The following FBLN5 variants were observed in gnomAD, a reference collection of about 807,000 sequenced individuals.
FBLN5 encodes fibulin 5, also known as fibulin-5.
Under a neutral mutation model 61.6 loss-of-function variants are expected in FBLN5, and 24 were observed. The observed-to-expected ratio is 0.39, with a 90% CI of 0.28 to 0.55. The LOEUF (loss-of-function observed/expected upper bound fraction) is 0.55, where lower values mean the gene tolerates loss of function less well. Ranked by LOEUF, FBLN5 falls within the 20% of genes least tolerant of loss-of-function variation. The probability of loss-of-function intolerance (pLI) is 0.65; values close to 1 mark genes in which losing one functional copy is unlikely to be tolerated. For missense variants in FBLN5, 470 were observed against 594.1 expected (o/e 0.79, Z 2.17); for synonymous variants, 213 against 219.8 (o/e 0.97, Z 0.27).
At chr14:91,871,131 C>T (rs1888904576) in intron 10 of FBLN5, among the ~76,000 whole-genome samples, 2 of 149,732 alleles carry the variant, frequency 1.3e-5, no homozygotes, top group African/African-American at 4.9e-5. Context: ...ATACAACCAA[C>T]ATGCACATGT....
intron 4 of FBLN5, among the ~76,000 whole-genome samples, chr14:91,909,239 A>G (rs1360166180): frequency 6.6e-6 from 1 of 152,068 alleles, no homozygotes; most frequent in Non-Finnish European, 1.5e-5. Flanking sequence ...TTTTACCAAC[A>G]TCAAGCTGAT....
At chr14:91,895,144 G>A in intron 4 of FBLN5, 72 bp from the exon 5 acceptor site, 2 of 1,594,328 alleles carry the variant, frequency 1.3e-6, no homozygotes, top group East Asian at 2.2e-5. Flanking sequence ...AGGGGTGCCA[G>A]TGGCTCATCT....
intron 4 of FBLN5, among the ~76,000 whole-genome samples, chr14:91,924,511 A>G (rs2055792814): frequency 8.2e-6 from 1 of 121,694 alleles, no homozygotes; most frequent in Non-Finnish European, 1.7e-5. Flanking sequence ...AACGTGGTGA[A>G]ACCCCGTCTC....
chr14:91,891,264 G>A lies in FBLN5; in HGVS notation c.576C>T (p.Cys192=). ...CCTCATTGAGGGTAAAACCAGGGTTGCATGTACAAGAATAGGATCCAGGAA... is the reference window on the plus strand; with the variant it reads ...CCTCATTGAGGGTAAAACCAGGGTTACATGTACAAGAATAGGATCCAGGAA... ...ANVPGSYSCT[C]NPGFTLNEDG... The change falls in exon 6 of 11, where the codon TGC becomes TGT. Residue 192 remains cysteine, a synonymous_variant. Transcript: ENST00000342058. The A allele has an allele frequency of 6.2e-7, 1 of 1,613,588 alleles. No individual in the cohort carries two copies. The highest frequency in any genetic ancestry group is 8.5e-7 in the Non-Finnish European group (1 of 1,179,482).
At chr14:91,881,905 C>T (rs1417430423) in intron 8 of FBLN5, among the ~76,000 whole-genome samples, 1 of 151,732 alleles carries the variant, frequency 6.6e-6, no homozygotes, top group African/African-American at 2.4e-5. Flanking sequence ...GTAGTAAAAA[C>T]AGGAGTTCAA....
At chr14:91,887,372 G>A (rs1889776013) in intron 6 of FBLN5, 60 bp from the exon 7 acceptor site, 3 of 1,582,434 alleles carry the variant, frequency 1.9e-6, no homozygotes, top group Admixed American at 3.3e-5. Context: ...ACAATAACTA[G>A]GCAGAAAAAG....
At chr14:91,896,079 A>G (rs1890213410) in intron 4 of FBLN5, among the ~76,000 whole-genome samples, 1 of 152,124 alleles carries the variant, frequency 6.6e-6, no homozygotes, top group South Asian at 2.1e-4. Context: ...AGCCATATTC[A>G]TGGTCATTCC....
chr14:91,875,433 C>A (rs1889121135), intron 10 of FBLN5, among the ~76,000 whole-genome samples: 1 of 152,088 alleles, frequency 6.6e-6, no homozygotes, highest in Non-Finnish European at 1.5e-5. Context: ...GAGACATAGC[C>A]CCAGAATTAG....
At chr14:91,923,744 C>T (rs980958794) in intron 4 of FBLN5, among the ~76,000 whole-genome samples, 1 of 152,208 alleles carries the variant, frequency 6.6e-6, no homozygotes, top group African/African-American at 2.4e-5. Flanking sequence ...CCCCCACTCA[C>T]ACCCACTCAG....
intron 4 of FBLN5, among the ~76,000 whole-genome samples, chr14:91,899,339 C>G (rs1379235284): frequency 1.3e-5 from 2 of 152,242 alleles, no homozygotes; most frequent in Non-Finnish European, 2.9e-5. Flanking sequence ...GCAACCATAG[C>G]TTGGCTCCCC....
Position 91,882,969 on chromosome 14 carries a change from T to G in FBLN5, c.847A>C (p.Asn283His). 1 of 1,614,052 alleles carries G rather than the reference T, an allele frequency of 6.2e-7. No homozygotes were observed. Among genetic ancestry groups the G allele is most frequent in the Non-Finnish European group, 8.5e-7 (1 of 1,179,922 alleles). Residue 283 changes from asparagine to histidine, a missense_variant, in exon 8 of 11, where the codon AAC becomes CAC. Physicochemically the swap from Asn to His is moderately conservative, Grantham distance 68. Coordinates refer to ENST00000342058, the MANE Select transcript of FBLN5 (RefSeq NM_006329.4). This position sits in a 1 kb window ranked among gnomAD's most constrained non-coding sequence, Gnocchi z 4.9. ...ACAGCCTTACCTTGGCAGCTTCGGT[T>G]GTCATCCAGCAGGATGTAGCCTGGA... ...CPPGYILLDD[N>H]RSCQDINECE... is the part of the protein sequence containing the mutation.
intron 9 of FBLN5, among the ~76,000 whole-genome samples, chr14:91,879,577 G>A (rs1889324279): frequency 6.6e-6 from 1 of 152,222 alleles, no homozygotes; most frequent in African/African-American, 2.4e-5. Context: ...AGACGGGGTG[G>A]CCTGGAAAAA....
chr14:91,891,228 A>G lies in FBLN5; in HGVS notation c.612T>C (p.Ser204=). 3 of 1,596,798 alleles carry G rather than the reference A, an allele frequency of 1.9e-6. No homozygotes were observed. Among genetic ancestry groups the G allele is most frequent in the Non-Finnish European group, 2.6e-6 (3 of 1,164,050 alleles). Residue 204 remains serine, a synonymous_variant, in exon 6 of 11, where the codon TCT becomes TCC. Coordinates refer to ENST00000342058, the MANE Select transcript of FBLN5 (RefSeq NM_006329.4). ...ATCATGCACGTCACATACCTTGGCAAGACCTTCCATCCTCATTGAGGGTAA... is the reference window on the plus strand; with the variant it reads ...ATCATGCACGTCACATACCTTGGCAGGACCTTCCATCCTCATTGAGGGTAA... ...PGFTLNEDGR[S]CQDVNECATE...
At position 91,905,990 on chromosome 14, in the gene FBLN5, G is replaced by A. The variant is rs144390961; in HGVS notation, c.380-10918C>T. The stretch of plus-strand genomic sequence containing the variant: ...GCAACCTCTGCCTCCCGGGTCAAGC[G>A]ATTCTTGTGCCTCAGCCTCCCGAAT... On this transcript the variant is annotated intron_variant, in intron 4 of 10. Coordinates refer to ENST00000342058, the MANE Select transcript of FBLN5 (RefSeq NM_006329.4). Among the ~76,000 whole-genome samples, 472 of 152,164 alleles carry A rather than the reference G, an allele frequency of 3.1e-3. 3 individuals carry two copies. Among genetic ancestry groups the A allele is most frequent in the African/African-American group, 0.01 (431 of 41,508 alleles).
intron 10 of FBLN5, among the ~76,000 whole-genome samples, chr14:91,872,442 G>A (rs865784444): frequency 6.6e-6 from 1 of 152,118 alleles, no homozygotes; most frequent in African/African-American, 2.4e-5. Flanking sequence ...GCCCAGCCCT[G>A]TGCCCAGAAG....
intron 4 of FBLN5, among the ~76,000 whole-genome samples, chr14:91,935,143 A>T (rs534182198): frequency 6.6e-6 from 1 of 152,334 alleles, no homozygotes; most frequent in Admixed American, 6.5e-5. Context: ...AAAGTTCCGC[A>T]TCTCCCGTGT....
At chr14:91,878,081 AAAGT>A in intron 9 of FBLN5, 1 of 407,136 alleles carries the variant, frequency 2.5e-6, no homozygotes, top group Non-Finnish European at 4.7e-6. Context: ...AGAAATTTTT[AAAGT>A]AAGAAACTGG....
intron 10 of FBLN5, among the ~76,000 whole-genome samples, chr14:91,872,658 G>T (rs545405152): frequency 1.7e-4 from 26 of 152,270 alleles, no homozygotes; most frequent in African/African-American, 5.8e-4. Context: ...TCGGCAGCCT[G>T]ACAGCCACAC....
At chr14:91,879,338 G>A (rs1032868431) in intron 9 of FBLN5, among the ~76,000 whole-genome samples, 1 of 152,188 alleles carries the variant, frequency 6.6e-6, no homozygotes, top group Non-Finnish European at 1.5e-5. Flanking sequence ...ACACAAGAAG[G>A]GAGGCTGGCC....
Sources: gnomAD v4.1 joint callset for allele counts (sites outside exome capture counted in the v4.1 genomes callset) on GRCh38, gnomAD v4.1.1 for gene constraint, Gnocchi (gnomAD v3.1) non-coding constraint, MANE v1.5 for transcripts, NCBI Gene and HGNC (gene_info 2026-07-23, HGNC 2026-07-21) for gene names.